FGF12: variants seen among roughly 807,000 people sequenced by gnomAD.
The protein encoded by FGF12 is fibroblast growth factor 12B.
FGF12 carries 14 observed loss-of-function variants against 23.6 expected under a neutral mutation model. The ratio of observed to expected loss-of-function variants is 0.59; its 90% CI spans 0.39 to 0.93. The LOEUF (loss-of-function observed/expected upper bound fraction) is 0.93. Ranked by LOEUF, FGF12 falls within the 40% of genes least tolerant of loss-of-function variation. FGF12 has a pLI of 0.00. For synonymous variants in FGF12, 62 were observed against 77.3 expected (o/e 0.80, Z 1.04); for missense variants, 175 against 217.8 (o/e 0.80, Z 1.24).
intron 2 of FGF12, among the ~76,000 whole-genome samples, chr3:192,612,443 T>C (rs530981233): frequency 7.2e-4 from 109 of 152,088 alleles, no homozygotes; most frequent in Middle Eastern, 3.4e-3. Flanking sequence ...TTGGCTTACA[T>C]GGTTGACTTC....
chr3:192,499,397 G>T (rs1176919115), intron 2 of FGF12, among the ~76,000 whole-genome samples: 1 of 147,224 alleles, frequency 6.8e-6, no homozygotes, highest in Non-Finnish European at 1.5e-5. Flanking sequence ...ATACAGACTT[G>T]GGGCTTTGAA....
At chr3:192,158,363 T>TTTCTTTCTCTTTCTTTCTTTCTTTCTTTC (rs1714590068) in intron 5 of FGF12, among the ~76,000 whole-genome samples, 1 of 108,406 alleles carries the variant, frequency 9.2e-6, no homozygotes, top group African/African-American at 3.8e-5. Context: ...TCTTTCTTTC[T>TTTCTTTCTCTTTCTTTCTTTCTTTCTTTC]TTCTTTCTTT....
chr3:192,504,083 C>G (rs939064063), intron 2 of FGF12, among the ~76,000 whole-genome samples: 2 of 151,910 alleles, frequency 1.3e-5, no homozygotes, highest in Non-Finnish European at 2.9e-5. Context: ...CGAACTAACA[C>G]AGGAACAGAA....
At position 192,281,780 on chromosome 3, in the gene FGF12, C is replaced by T. The variant is rs561041894; in HGVS notation, c.228+53581G>A. The stretch of plus-strand genomic sequence containing the variant: ...CCTAAAACATAACAAATATGTGCCT[C>T]AGCCCTCCCAAAGCTGTTCCCTATA... On this transcript the variant is annotated intron_variant, in intron 4 of 5. Coordinates refer to ENST00000445105, the MANE Select transcript of FGF12 (RefSeq NM_004113.6). Among the ~76,000 whole-genome samples the T allele has an allele frequency of 2.9e-3, 438 of 152,250 alleles. 3 individuals are homozygous for T. Among genetic ancestry groups the T allele is most frequent in the Middle Eastern group, 0.017 (5 of 294 alleles).
chr3:192,707,996 G>T (rs960302862), intron 2 of FGF12, among the ~76,000 whole-genome samples: 4 of 152,080 alleles, frequency 2.6e-5, no homozygotes, highest in African/African-American at 4.8e-5. Flanking sequence ...GTCTCGCTCT[G>T]TCACCCAGGC....
chr3:192,643,828 A>G (rs1031756308), intron 2 of FGF12, among the ~76,000 whole-genome samples: 6 of 152,228 alleles, frequency 3.9e-5, no homozygotes, highest in African/African-American at 1.4e-4. Flanking sequence ...AAACAATACA[A>G]ATGAAAAAAC....
At chr3:192,521,905 A>G (rs2108846316) in intron 2 of FGF12, among the ~76,000 whole-genome samples, 1 of 152,340 alleles carries the variant, frequency 6.6e-6, no homozygotes, top group South Asian at 2.1e-4. Flanking sequence ...AATATGTAAG[A>G]AATAATTTAT....
intron 4 of FGF12, among the ~76,000 whole-genome samples, chr3:192,287,576 T>G (rs1271821427): frequency 6.6e-6 from 1 of 151,928 alleles, no homozygotes; most frequent in African/African-American, 2.4e-5. Context: ...CCAGCCAAAA[T>G]AGTAAAACCA....
chr3:192,353,926 C>G (rs370366843), intron 3 of FGF12, among the ~76,000 whole-genome samples: 17 of 152,288 alleles, frequency 1.1e-4, no homozygotes, highest in Admixed American at 1.0e-3. Context: ...TACCTGCATG[C>G]CCTTGTGATA....
intron 2 of FGF12, among the ~76,000 whole-genome samples, chr3:192,558,390 G>T (rs1036138580): frequency 2.6e-5 from 4 of 151,618 alleles, no homozygotes; most frequent in African/African-American, 7.3e-5. Flanking sequence ...TAAAAAATTT[G>T]TACACTAAAA....
rs753529901 is a variant in FGF12, at chr3:192,140,681, A to T, written c.*3328T>A. 1 of 152,018 alleles carries T rather than the reference A, an allele frequency of 6.6e-6. No individual in the cohort carries two copies. The highest frequency in any genetic ancestry group is 6.6e-5 in the Admixed American group (1 of 15,264). 9.4% of individuals were successfully genotyped at this position (152,018 alleles called of 1,614,324 possible). A position where few individuals can be genotyped will look rare whatever the true frequency, so the allele number is the denominator to read the frequency against. On this transcript the variant is annotated 3_prime_UTR_variant, in exon 6 of 6. Transcript: ENST00000445105. ...AAACAGAAGAGTCTTAGTTCTTTTA[A>T]ACAAGCTTTCTGAATTAGAATGAGG...
At chr3:192,246,661 T>C (rs1273629812) in intron 4 of FGF12, among the ~76,000 whole-genome samples, 1 of 151,530 alleles carries the variant, frequency 6.6e-6, no homozygotes, top group African/African-American at 2.4e-5. Flanking sequence ...CCATCTCTAC[T>C]GAAAACACAA....
chr3:192,580,574 T>C (rs1713090641), intron 2 of FGF12, among the ~76,000 whole-genome samples: 1 of 152,192 alleles, frequency 6.6e-6, no homozygotes, highest in South Asian at 2.1e-4. Context: ...CAAAAAATCC[T>C]TCTCAATAAA....
chr3:192,171,473 T>C (rs12485857), intron 4 of FGF12, among the ~76,000 whole-genome samples: 6,629 of 152,278 alleles, frequency 0.044, 190 homozygotes, highest in Admixed American at 0.059. Flanking sequence ...AATCACAGTC[T>C]CTCAGGCTCA....
chr3:192,184,997 T>G (rs1172345326), intron 4 of FGF12, among the ~76,000 whole-genome samples: 3 of 152,230 alleles, frequency 2.0e-5, no homozygotes, highest in Non-Finnish European at 2.9e-5. Flanking sequence ...TTATAGTTAT[T>G]TCATTTGTTG....
At chr3:192,376,311 T>C (rs1414217086) in intron 2 of FGF12, among the ~76,000 whole-genome samples, 7 of 151,184 alleles carry the variant, frequency 4.6e-5, no homozygotes, top group Admixed American at 6.6e-5. Context: ...TTTCTTACTA[T>C]TGTCATTGCT....
At chr3:192,462,911 C>T (rs960293855) in intron 2 of FGF12, among the ~76,000 whole-genome samples, 1 of 152,136 alleles carries the variant, frequency 6.6e-6, no homozygotes, top group Admixed American at 6.5e-5. Flanking sequence ...ACTGTAATGG[C>T]TTACGAAAAG....
intron 4 of FGF12, among the ~76,000 whole-genome samples, chr3:192,242,038 C>T (rs1470968546): frequency 3.3e-5 from 5 of 151,974 alleles, no homozygotes; most frequent in South Asian, 4.2e-4. Context: ...CAAATCACTG[C>T]ATTAAATATT....
chr3:192,330,272 A>G (rs1717038946), intron 4 of FGF12, among the ~76,000 whole-genome samples: 1 of 152,162 alleles, frequency 6.6e-6, no homozygotes, highest in Non-Finnish European at 1.5e-5. Flanking sequence ...AGCCAAAACC[A>G]TCTTAAGAAA....
Sources: allele counts gnomAD v4.1 joint callset (sites outside exome capture counted in the v4.1 genomes callset), GRCh38; gene constraint gnomAD v4.1.1; transcripts MANE v1.5; gene names NCBI Gene and HGNC (gene_info 2026-07-23, HGNC 2026-07-21).